TMC3: variants seen among roughly 807,000 people sequenced by gnomAD.
TMC3 encodes transmembrane channel-like protein 3.
TMC3 carries 98 observed loss-of-function variants against 110.6 expected under a neutral mutation model. The ratio of observed to expected loss-of-function variants is 0.89; its 90% CI spans 0.75 to 1.05. TMC3 has a LOEUF of 1.05. Ranked by LOEUF, TMC3 falls within the 50% of genes least tolerant of loss-of-function variation. TMC3 has a pLI of 0.00. For missense variants in TMC3, 1,319 were observed against 1,373.2 expected (o/e 0.96, Z 0.62); for synonymous variants, 489 against 513.1 (o/e 0.95, Z 0.63).
rs768422580 is a variant in TMC3, at chr15:81,336,669, T to C, written c.2161-18A>G. 1.9e-6 allele frequency: 3 copies of C among 1,613,644 alleles called. No individual in the cohort carries two copies. Among genetic ancestry groups the C allele is most frequent in the African/African-American group, 2.7e-5 (2 of 74,940 alleles). On this transcript the variant is annotated intron_variant, in intron 19 of 21. Coordinates refer to ENST00000359440, the MANE Select transcript of TMC3 (RefSeq NM_001080532.3). ...GATCTTGCCTAAAATGCAAATGATATGCATGTTTGTTTTGGCTTTAGCAGG... is the reference window on the plus strand; with the variant it reads ...GATCTTGCCTAAAATGCAAATGATACGCATGTTTGTTTTGGCTTTAGCAGG...
chr15:81,365,173 A>G (rs1346115711), intron 3 of TMC3, among the ~76,000 whole-genome samples: 1 of 151,966 alleles, frequency 6.6e-6, no homozygotes, highest in Non-Finnish European at 1.5e-5. Flanking sequence ...AAGACCTCCT[A>G]TATTCTTCTC....
At chr15:81,354,634 G>C (rs1173481371) in intron 9 of TMC3, among the ~76,000 whole-genome samples, 1 of 152,118 alleles carries the variant, frequency 6.6e-6, no homozygotes, top group Non-Finnish European at 1.5e-5. Flanking sequence ...GGCCTGCACA[G>C]TCCTGCCCAG....
rs1246434365 is a variant in TMC3, at chr15:81,346,357, G to T, written c.1272+8C>A. The T allele has an allele frequency of 6.2e-7, 1 of 1,612,764 alleles. No homozygotes were observed. The highest frequency in any genetic ancestry group is 1.7e-5 in the Admixed American group (1 of 59,926). On this transcript the variant is annotated splice_region_variant and intron_variant, in intron 12 of 21. Coordinates refer to ENST00000359440, the MANE Select transcript of TMC3 (RefSeq NM_001080532.3). ...TGGGGCAGGCAACTATCTGGGATGG[G>T]CACTCACCTCAATGCTCATGCTGTT...
intron 15 of TMC3, among the ~76,000 whole-genome samples, chr15:81,342,386 C>T (rs981590049): frequency 6.6e-6 from 1 of 152,162 alleles, no homozygotes; most frequent in Non-Finnish European, 1.5e-5. Flanking sequence ...CTTCTCTGCA[C>T]TTCAGTTTTC....
At chr15:81,344,458 T>A (rs1350640586) in intron 13 of TMC3, among the ~76,000 whole-genome samples, 1 of 152,134 alleles carries the variant, frequency 6.6e-6, no homozygotes, top group Non-Finnish European at 1.5e-5. Context: ...ATTCTGCTCT[T>A]TACTATCTGT....
intron 16 of TMC3, among the ~76,000 whole-genome samples, chr15:81,341,067 T>C (rs1051753878): frequency 6.6e-6 from 1 of 152,370 alleles, no homozygotes; most frequent in Admixed American, 6.5e-5. Context: ...TTGTGTTTTG[T>C]TTTTTGATCT....
At chr15:81,371,742 G>A (rs1894438565) in intron 2 of TMC3, among the ~76,000 whole-genome samples, 1 of 152,188 alleles carries the variant, frequency 6.6e-6, no homozygotes, top group Non-Finnish European at 1.5e-5. Context: ...TCTCAAACTT[G>A]AATGTGCAAA....
Position 81,374,149 on chromosome 15 carries a change from C to A in TMC3, c.-72G>T. 7.1e-7 allele frequency: 1 copy of A among 1,402,534 alleles called. No individual in the cohort carries two copies. The highest frequency in any genetic ancestry group is 1.0e-6 in the Non-Finnish European group (1 of 1,001,108). 86.9% of individuals were successfully genotyped at this position (1,402,534 alleles called of 1,614,324 possible). A position where few individuals can be genotyped will look rare whatever the true frequency, so the allele number is the denominator to read the frequency against. Reference sequence around the variant, plus strand: ...GAAGTTGGCAGGCAAAGGTCTGTTCCGAGGTTTCTGAATGGAAGCAGCGGA... The same window carrying A: ...GAAGTTGGCAGGCAAAGGTCTGTTCAGAGGTTTCTGAATGGAAGCAGCGGA... On this transcript the variant is annotated 5_prime_UTR_variant, in exon 1 of 22. Coordinates refer to ENST00000359440, the MANE Select transcript of TMC3 (RefSeq NM_001080532.3).
intron 3 of TMC3, among the ~76,000 whole-genome samples, chr15:81,364,231 T>C (rs1405996093): frequency 6.6e-6 from 1 of 152,080 alleles, no homozygotes; most frequent in African/African-American, 2.4e-5. Context: ...TAGAGAGCAC[T>C]GGACTGAATG....
intron 20 of TMC3, 26 bp downstream of exon 20, chr15:81,336,583 C>A: frequency 6.2e-7 from 1 of 1,612,584 alleles, no homozygotes; most frequent in South Asian, 1.1e-5. Flanking sequence ...AAAAAAACAA[C>A]AACAAAAAGA....
intron 17 of TMC3, among the ~76,000 whole-genome samples, chr15:81,339,087 G>T (rs73496836): frequency 6.6e-6 from 1 of 152,196 alleles, no homozygotes; most frequent in Non-Finnish European, 1.5e-5. Flanking sequence ...AAAAAGTGCT[G>T]TGCACTGTGG....
chr15:81,331,526 T>C lies in TMC3; in HGVS notation c.*893A>G, dbSNP rs934112087. ...AGTAAAAATTTTTGGTTGTCTTTGATTATACTTGTAAAATTCATGAATTCC... is the reference window on the plus strand; with the variant it reads ...AGTAAAAATTTTTGGTTGTCTTTGACTATACTTGTAAAATTCATGAATTCC... On this transcript the variant is annotated 3_prime_UTR_variant, in exon 22 of 22. Transcript: ENST00000359440. 6.6e-6 allele frequency: 1 copy of C among 152,198 alleles called. No individual in the cohort carries two copies. The highest frequency in any genetic ancestry group is 1.5e-5 in the Non-Finnish European group (1 of 68,024). The allele number at this position is 152,198 out of a possible 1,614,324, so 9.4% of individuals were successfully genotyped here.
chr15:81,337,897 G>A lies in TMC3; in HGVS notation c.2109C>T (p.Ile703=), dbSNP rs1893632514. 7 of 1,613,944 alleles carry A rather than the reference G, an allele frequency of 4.3e-6. No homozygotes were observed. Among genetic ancestry groups the A allele is most frequent in the South Asian group, 1.1e-5 (1 of 91,082 alleles). The change falls in exon 19 of 22, where the codon ATC becomes ATT. Residue 703 remains isoleucine (I), a synonymous_variant. Transcript: ENST00000359440. Reference sequence around the variant, plus strand: ...GGTTGCTGAGCTTTAGAGACCGTGCGATGCTCTGGAGATAATAGATGAGCA... The same window carrying A: ...GGTTGCTGAGCTTTAGAGACCGTGCAATGCTCTGGAGATAATAGATGAGCA... The part of the protein sequence containing the change: ...LFMLIYYLQS[I]ARSLKLSNHQ...
intron 2 of TMC3, among the ~76,000 whole-genome samples, chr15:81,370,783 T>C (rs1485436500): frequency 6.6e-6 from 1 of 151,586 alleles, no homozygotes; most frequent in Non-Finnish European, 1.5e-5. Flanking sequence ...CAAGCAATTC[T>C]CCTGCCTCAG....
At chr15:81,370,087 G>A (rs530378143) in intron 2 of TMC3, among the ~76,000 whole-genome samples, 45 of 152,104 alleles carry the variant, frequency 3.0e-4, no homozygotes, top group Non-Finnish European at 5.6e-4. Context: ...AGGGAGGGGC[G>A]GCCCAAACCA....
At position 81,358,611 on chromosome 15, in the gene TMC3, C is replaced by T. The variant is rs944467912; in HGVS notation, c.502-111G>A. 11 of 793,534 alleles carry T rather than the reference C, an allele frequency of 1.4e-5. No homozygotes were observed. In the South Asian group the frequency reaches 1.6e-4, roughly 12 times the overall value. The allele number at this position is 793,534 out of a possible 1,614,324, so 49.2% of individuals were successfully genotyped here. A position where few individuals can be genotyped will look rare whatever the true frequency, so the allele number is the denominator to read the frequency against. On this transcript the variant is annotated intron_variant, in intron 5 of 21. Coordinates refer to ENST00000359440, the MANE Select transcript of TMC3 (RefSeq NM_001080532.3). ...GAAAATGCCACACATAAGAGATCTC[C>T]AGGGGGTGGATTTCTGCTTGATTTT...
rs1196594569 is a variant in TMC3 at position 81,362,216 on chromosome 15, T to C, written c.394+4A>G. 1 of 1,604,008 alleles carries C rather than the reference T, an allele frequency of 6.2e-7. No individual in the cohort carries two copies. The highest frequency in any genetic ancestry group is 8.5e-7 in the Non-Finnish European group (1 of 1,174,684). On this transcript the variant is annotated splice_donor_region_variant and intron_variant, in intron 4 of 21. Transcript: ENST00000359440. ...TGCCCCACTCTCCAGGTGTAAATAC[T>C]TACTCTCGATTTTCTTTATCCTCAT... is the stretch of plus-strand genomic sequence containing the variant.
Position 81,334,984 on chromosome 15 carries a change from A to G in TMC3, c.2204-9T>C. ...CTGGGTCTGGATTCGGGCTGCAGGG[A>G]GAGGGAGGTGTTGTGAGAAGACAGG... is the stretch of plus-strand genomic sequence containing the variant. On this transcript the variant is annotated splice_polypyrimidine_tract_variant and intron_variant, in intron 20 of 21. Transcript: ENST00000359440. 1 of 1,612,548 alleles carries G rather than the reference A, an allele frequency of 6.2e-7. No individual in the cohort carries two copies. The highest frequency in any genetic ancestry group is 8.5e-7 in the Non-Finnish European group (1 of 1,178,758).
chr15:81,344,262 C>T (rs1451932789), intron 13 of TMC3, among the ~76,000 whole-genome samples: 2 of 152,126 alleles, frequency 1.3e-5, no homozygotes, highest in African/African-American at 2.4e-5. Context: ...AATTTGAATT[C>T]GAATTTTGAT....
Sources: allele counts gnomAD v4.1 joint callset (sites outside exome capture counted in the v4.1 genomes callset), GRCh38; gene constraint gnomAD v4.1.1; transcripts MANE v1.5; gene names NCBI Gene and HGNC (gene_info 2026-07-23, HGNC 2026-07-21).